The following LEPR variants were observed in gnomAD, a reference collection of about 807,000 sequenced individuals.
LEPR encodes the protein OB receptor.
A neutral mutation model predicts 114.7 loss-of-function variants in LEPR; 56 were observed. That is an observed-to-expected ratio of 0.49 (90% confidence interval 0.39 to 0.61). LEPR has a LOEUF of 0.61. LEPR is among the 20% of genes least tolerant of loss of function. The pLI is 0.00. For missense variants in LEPR, 1,202 were observed against 1,352.9 expected (o/e 0.89, Z 1.75); for synonymous variants, 443 against 461.4 (o/e 0.96, Z 0.51).
intron 2 of LEPR, among the ~76,000 whole-genome samples, chr1:65,490,205 G>A (rs115238717): frequency 9.6e-4 from 146 of 152,186 alleles, no homozygotes; most frequent in African/African-American, 3.4e-3. Context: ...ATAGGTCATC[G>A]CTTCCAGTGT....
At chr1:65,564,122 C>G (rs577772568) in intron 2 of LEPR, among the ~76,000 whole-genome samples, 3 of 146,296 alleles carry the variant, frequency 2.1e-5, no homozygotes, top group Admixed American at 2.0e-4. Flanking sequence ...CTGATCAAGC[C>G]TGGGCAATGG....
chr1:65,596,357 A>G, intron 6 of LEPR, 91 bp from the exon 7 acceptor site: 1 of 1,502,818 alleles, frequency 6.7e-7, no homozygotes, highest in Non-Finnish European at 9.2e-7. Context: ...AAGGCAAGAT[A>G]TGATGAAAAT....
chr1:65,514,908 G>T (rs1251479849), intron 2 of LEPR, among the ~76,000 whole-genome samples: 1 of 152,208 alleles, frequency 6.6e-6, no homozygotes, highest in Non-Finnish European at 1.5e-5. Context: ...CATAACATTT[G>T]CCCTCAGGGC....
chr1:65,606,420 G>A (rs1656812968), intron 11 of LEPR, among the ~76,000 whole-genome samples: 1 of 152,088 alleles, frequency 6.6e-6, no homozygotes, highest in African/African-American at 2.4e-5. Flanking sequence ...ACGAGTTTAG[G>A]TTGGGCTTAT....
intron 2 of LEPR, among the ~76,000 whole-genome samples, chr1:65,441,360 A>G (rs1303669728): frequency 1.3e-5 from 2 of 152,152 alleles, no homozygotes; most frequent in Admixed American, 1.3e-4. Flanking sequence ...TGGTGACCCT[A>G]GGAGCTGACT....
intron 6 of LEPR, among the ~76,000 whole-genome samples, chr1:65,594,545 G>C (rs1655920579): frequency 1.3e-5 from 2 of 152,058 alleles, no homozygotes; most frequent in Non-Finnish European, 2.9e-5. Context: ...AGAGACACCA[G>C]ATACTGAGAT....
chr1:65,497,135 T>A (rs1648204829), intron 2 of LEPR, among the ~76,000 whole-genome samples: 1 of 151,204 alleles, frequency 6.6e-6, no homozygotes, highest in African/African-American at 2.4e-5. Context: ...TTAATTTGAA[T>A]TTTTTTTAGA....
intron 14 of LEPR, among the ~76,000 whole-genome samples, chr1:65,613,780 A>C (rs1023015597): frequency 1.4e-5 from 2 of 146,448 alleles, no homozygotes; most frequent in Non-Finnish European, 3.0e-5. Flanking sequence ...AAAAAAAAAA[A>C]AACCAAGTAT....
intron 2 of LEPR, among the ~76,000 whole-genome samples, chr1:65,502,742 T>A (rs1272111257): frequency 6.6e-6 from 1 of 152,000 alleles, no homozygotes; most frequent in Non-Finnish European, 1.5e-5. Context: ...AGGCAGAGGA[T>A]CCCAGGTTTA....
intron 3 of LEPR, among the ~76,000 whole-genome samples, chr1:65,569,707 T>TAA (rs199787348): frequency 3.8e-4 from 35 of 92,468 alleles, no homozygotes; most frequent in South Asian, 1.7e-3. Context: ...AATTCCATCT[T>TAA]AAAAAAAAAA....
At position 65,592,911 on chromosome 1, in the gene LEPR, A is replaced by G. The variant is rs536832983; in HGVS notation, c.703+46A>G. 19 of 1,597,732 alleles carry G rather than the reference A, an allele frequency of 1.2e-5. No homozygotes were observed. The Admixed American group carries it at 2.5e-4, about 21-fold the overall frequency. ...ATGATAATAGGTCTAAACATCAGTC[A>G]TATATAAAGGTTAAAAATTGCTTAC... On this transcript the variant is annotated intron_variant, in intron 6 of 19. Coordinates refer to ENST00000349533, the MANE Select transcript of LEPR (RefSeq NM_002303.6).
intron 2 of LEPR, chr1:65,434,861 G>A (rs1219370079): frequency 3.0e-6 from 3 of 985,318 alleles, no homozygotes; most frequent in Non-Finnish European, 3.6e-6. Flanking sequence ...AGTTCTCTAA[G>A]TACAGCTGAT....
chr1:65,450,043 C>T (rs1175608673), intron 2 of LEPR, among the ~76,000 whole-genome samples: 1 of 152,050 alleles, frequency 6.6e-6, no homozygotes, highest in East Asian at 1.9e-4. Flanking sequence ...TGTTTAATCT[C>T]CATGTATTTT....
intron 2 of LEPR, among the ~76,000 whole-genome samples, chr1:65,503,360 G>T (rs1163257591): frequency 6.6e-6 from 1 of 152,126 alleles, no homozygotes; most frequent in Non-Finnish European, 1.5e-5. Context: ...TATAGAACAT[G>T]ACTAAACAAT....
Position 65,619,913 on chromosome 1 carries a change from T to C in LEPR, c.2396-15T>C. 1 of 1,596,356 alleles carries C rather than the reference T, an allele frequency of 6.3e-7. No individual in the cohort carries two copies. Among genetic ancestry groups the C allele is most frequent in the Non-Finnish European group, 8.6e-7 (1 of 1,164,434 alleles). On this transcript the variant is annotated splice_polypyrimidine_tract_variant and intron_variant, in intron 16 of 19. Transcript: ENST00000349533. Reference sequence around the variant, plus strand: ...ATTTTGTATAAATGAGCCTTTTACGTATTTTTCTCCTCAGATCATTTTATC... The same window carrying C: ...ATTTTGTATAAATGAGCCTTTTACGCATTTTTCTCCTCAGATCATTTTATC...
intron 5 of LEPR, among the ~76,000 whole-genome samples, chr1:65,580,690 G>A (rs1002429619): frequency 1.3e-5 from 2 of 152,190 alleles, no homozygotes; most frequent in African/African-American, 4.8e-5. Context: ...CTCAGCCCTT[G>A]CCCTCCTGGA....
chr1:65,426,997 CAA>C (rs55809705), intron 2 of LEPR, among the ~76,000 whole-genome samples: 90 of 137,260 alleles, frequency 6.6e-4, no homozygotes, highest in Admixed American at 8.1e-4. Context: ...ACTTTGTCTC[CAA>C]AAAAAAAAAA....
At chr1:65,449,848 G>T (rs1029311878) in intron 2 of LEPR, among the ~76,000 whole-genome samples, 1 of 151,822 alleles carries the variant, frequency 6.6e-6, no homozygotes, top group Non-Finnish European at 1.5e-5. Context: ...AAGCCTAGAT[G>T]ATTGATTTTA....
In LEPR at chr1:65,529,575, G is replaced by A. The variant is rs540126068; in HGVS notation, c.-20-35971G>A. Among the ~76,000 whole-genome samples the A allele has an allele frequency of 2.2e-3, 331 of 149,748 alleles. 2 individuals are homozygous for A. Among genetic ancestry groups the A allele is most frequent in the African/African-American group, 7.6e-3 (310 of 40,716 alleles). On this transcript the variant is annotated intron_variant, in intron 2 of 19. Coordinates refer to ENST00000349533, the MANE Select transcript of LEPR (RefSeq NM_002303.6). ...AGGGAGGGAGGGAGGGAGGGAGGGAGGATTGTCTCTATTCCCTGTCTCCAA... is the reference window on the plus strand; with the variant it reads ...AGGGAGGGAGGGAGGGAGGGAGGGAAGATTGTCTCTATTCCCTGTCTCCAA...
Sources: allele counts gnomAD v4.1 joint callset (sites outside exome capture counted in the v4.1 genomes callset), GRCh38; gene constraint gnomAD v4.1.1; transcripts MANE v1.5; gene names NCBI Gene and HGNC (gene_info 2026-07-23, HGNC 2026-07-21).